The following UNC80 variants were observed in gnomAD, a reference collection of about 807,000 sequenced individuals.
UNC80 encodes the protein unc-80 subunit of NALCN channel complex.
A neutral mutation model predicts 384.6 loss-of-function variants in UNC80; 164 were observed. The ratio of observed to expected loss-of-function variants is 0.43; its 90% CI spans 0.38 to 0.49. The LOEUF (loss-of-function observed/expected upper bound fraction) is 0.49. Among genes scored for constraint, UNC80 ranks in the 20% least tolerant of loss-of-function variants. The pLI is 0.00. For missense variants in UNC80, 3,330 were observed against 4,143.0 expected (o/e 0.80, Z 5.39); for synonymous variants, 1,486 against 1,527.8 (o/e 0.97, Z 0.64).
At chr2:209,809,306 G>A (rs534372829) in intron 7 of UNC80, 1 of 761,224 alleles carries the variant, frequency 1.3e-6, no homozygotes, top group Non-Finnish European at 2.4e-6. Context: ...AAACACATCC[G>A]AAGCCACACG....
At chr2:209,846,011 T>C (rs906044588) in intron 21 of UNC80, among the ~76,000 whole-genome samples, 2 of 152,068 alleles carry the variant, frequency 1.3e-5, no homozygotes, top group Admixed American at 1.3e-4. Flanking sequence ...CCTTCTTTCC[T>C]TGTTTTTCTT....
chr2:209,985,094 T>A (rs1450807403), intron 61 of UNC80, among the ~76,000 whole-genome samples, 182 bp downstream of exon 61: 1 of 152,204 alleles, frequency 6.6e-6, no homozygotes, highest in Non-Finnish European at 1.5e-5. Context: ...CAAACCCTCC[T>A]TCATTTTCAG....
intron 42 of UNC80, among the ~76,000 whole-genome samples, chr2:209,938,480 G>A (rs1358770893): frequency 6.6e-6 from 1 of 152,104 alleles, no homozygotes; most frequent in Non-Finnish European, 1.5e-5. Context: ...TAAAAATATA[G>A]CTACAATTAA....
chr2:209,935,251 T>C (rs1428234768), intron 39 of UNC80, among the ~76,000 whole-genome samples: 2 of 152,168 alleles, frequency 1.3e-5, no homozygotes, highest in African/African-American at 2.4e-5. Context: ...ATTTGTAAGA[T>C]AAAAAATCAT....
In UNC80 at chr2:209,888,247, C is replaced by T. The variant is rs972091458; in HGVS notation, c.4263C>T (p.Val1421=). 2.1e-5 allele frequency: 32 copies of T among 1,551,478 alleles called. No individual in the cohort carries two copies. Among genetic ancestry groups the T allele is most frequent in the East Asian group, 4.9e-5 (2 of 40,928 alleles). ...ACACTCTCAAATCAGATGCAGGAGT[C>T]GAGGAGAAGAAAGGTATGGAAACAC... ...SSHTLKSDAG[V]EEKKVPSRKI... Residue 1421 remains valine, a synonymous_variant, in exon 26 of 65, where the codon GTC becomes GTT. Coordinates refer to ENST00000673920, the MANE Select transcript of UNC80 (RefSeq NM_001371986.1).
At chr2:209,888,535 T>C (rs2086036607) in intron 26 of UNC80, among the ~76,000 whole-genome samples, 1 of 152,162 alleles carries the variant, frequency 6.6e-6, no homozygotes, top group African/African-American at 2.4e-5. Context: ...AGAAAAATAC[T>C]CCCAATTGAA....
At position 209,903,486 on chromosome 2, in the gene UNC80, A is replaced by C. The variant is rs796172390; in HGVS notation, c.4582-1279A>C. On this transcript the variant is annotated intron_variant, in intron 28 of 64. Coordinates refer to ENST00000673920, the MANE Select transcript of UNC80 (RefSeq NM_001371986.1). ...ACATTATATATATAGTATATATGTA[A>C]TATATATATTATATATAGTATATAT... 7.0e-3 allele frequency among the ~76,000 whole-genome samples: 138 copies of C among 19,808 alleles called. 1 individual carries two copies. The highest frequency in any genetic ancestry group is 8.2e-3 in the Non-Finnish European group (79 of 9,632). 13.0% of individuals were successfully genotyped at this position (19,808 alleles called of 152,430 possible). A position where few individuals can be genotyped will look rare whatever the true frequency, so the allele number is the denominator to read the frequency against.
Position 209,955,724 on chromosome 2 carries a change from TATATATATATATATAC to T in UNC80, c.7457+1456_7457+1471del, listed in dbSNP as rs1371938007. 1.7e-4 allele frequency among the ~76,000 whole-genome samples: 14 copies of T among 80,850 alleles called. 1 individual carries two copies. Among genetic ancestry groups the T allele is most frequent in the African/African-American group, 1.2e-3 (14 of 11,720 alleles). 53.0% of individuals were successfully genotyped at this position (80,850 alleles called of 152,430 possible). ...ATATATATATATATATATATATATA[TATATATATATATATAC>T]ACACACACACACACACACAGAGAGA... On this transcript the variant is annotated intron_variant, in intron 48 of 64. Coordinates refer to ENST00000673920, the MANE Select transcript of UNC80 (RefSeq NM_001371986.1).
At chr2:209,990,844 C>T (rs569387542) in intron 61 of UNC80, among the ~76,000 whole-genome samples, 1 of 152,154 alleles carries the variant, frequency 6.6e-6, no homozygotes, top group Non-Finnish European at 1.5e-5. Flanking sequence ...TTTTGGTACT[C>T]TTTATGAATT....
intron 12 of UNC80, 127 bp downstream of exon 12, chr2:209,819,388 C>CCA: frequency 1.1e-6 from 1 of 942,376 alleles, no homozygotes; most frequent in Non-Finnish European, 1.4e-6. Context: ...AAAAAGCCAC[C>CCA]CACTGAAAAA....
intron 24 of UNC80, among the ~76,000 whole-genome samples, chr2:209,880,477 G>T (rs1015033803): frequency 6.6e-6 from 1 of 152,226 alleles, no homozygotes; most frequent in Non-Finnish European, 1.5e-5. Context: ...CAGCAAGACA[G>T]ACATCCCTCA....
chr2:209,979,788 T>C (rs2093113361), intron 59 of UNC80, among the ~76,000 whole-genome samples: 1 of 152,242 alleles, frequency 6.6e-6, no homozygotes, highest in Admixed American at 6.5e-5. Flanking sequence ...GTCAATGCCA[T>C]ATGAATGAGA....
chr2:209,846,584 G>A (rs569936692), intron 21 of UNC80, among the ~76,000 whole-genome samples: 1 of 151,732 alleles, frequency 6.6e-6, no homozygotes, highest in Admixed American at 6.6e-5. Context: ...AAACAAGTAG[G>A]ATATTTTTAT....
chr2:209,887,197 C>T (rs1222808131), intron 25 of UNC80, among the ~76,000 whole-genome samples: 1 of 152,000 alleles, frequency 6.6e-6, no homozygotes, highest in East Asian at 1.9e-4. Flanking sequence ...CCACCTCGCC[C>T]GGCTAATTTT....
At position 209,831,723 on chromosome 2, in the gene UNC80, C is replaced by T. The variant is rs2080983650; in HGVS notation, c.2775+132C>T. ...CTTTAAAGTTTAAATATCTATTTTC[C>T]CCGGTGTCACCAGTAAGTCATAATG... On this transcript the variant is annotated intron_variant, in intron 16 of 64. Coordinates refer to ENST00000673920, the MANE Select transcript of UNC80 (RefSeq NM_001371986.1). 10 of 1,039,008 alleles carry T rather than the reference C, an allele frequency of 9.6e-6. No individual in the cohort carries two copies. The South Asian group carries it at 1.3e-4, about 14-fold the overall frequency. The allele number at this position is 1,039,008 out of a possible 1,614,324, so 64.4% of individuals were successfully genotyped here.
At position 209,866,489 on chromosome 2, in the gene UNC80, C is replaced by CAA. The variant is rs1559226578; in HGVS notation, c.3628-6269_3628-6268insAA. On this transcript the variant is annotated intron_variant, in intron 22 of 64. Coordinates refer to ENST00000673920, the MANE Select transcript of UNC80 (RefSeq NM_001371986.1). Reference sequence around the variant, plus strand: ...AACATTCCATAATACAAAATGCACCCCCACACACACACACACACACACACA... The same window carrying CAA: ...AACATTCCATAATACAAAATGCACCCAACCACACACACACACACACACACACA... 9.3e-3 allele frequency among the ~76,000 whole-genome samples: 891 copies of CAA among 95,302 alleles called. 7 individuals carry two copies. The highest frequency in any genetic ancestry group is 0.014 in the Admixed American group (120 of 8,436). The allele number at this position is 95,302 out of a possible 152,430, so 62.5% of individuals were successfully genotyped here.
chr2:209,868,068 A>G (rs1024463709), intron 22 of UNC80, among the ~76,000 whole-genome samples: 3 of 152,194 alleles, frequency 2.0e-5, no homozygotes, highest in African/African-American at 7.2e-5. Flanking sequence ...TACTGTAGAA[A>G]TAGGCAGGGA....
rs564176510 is a variant in UNC80 at position 209,978,668 on chromosome 2, G to T, written c.9078G>T (p.Ser3026=). The T allele has an allele frequency of 4.5e-6, 7 of 1,549,328 alleles. No individual in the cohort carries two copies. The East Asian group carries it at 7.3e-5, about 16-fold the overall frequency. Residue 3026 remains serine, a synonymous_variant, in exon 59 of 65, where the codon TCG becomes TCT. Coordinates refer to ENST00000673920, the MANE Select transcript of UNC80 (RefSeq NM_001371986.1). ...EQDSEPSQQA[S]QDTLSRTDEE... ...ACAGTGAGCCATCCCAGCAGGCTTC[G>T]CAGGACACCCTGAGTCGGACTGATG...
At chr2:209,873,465 C>T (rs570381009) in intron 23 of UNC80, among the ~76,000 whole-genome samples, 209 of 152,148 alleles carry the variant, frequency 1.4e-3, no homozygotes, top group Middle Eastern at 6.8e-3. Context: ...TGCCTGAAAG[C>T]CTTTGGAAAT....
Sources: allele counts gnomAD v4.1 joint callset (sites outside exome capture counted in the v4.1 genomes callset), GRCh38; gene constraint gnomAD v4.1.1; transcripts MANE v1.5; gene names NCBI Gene and HGNC (gene_info 2026-07-23, HGNC 2026-07-21).